Variants in ASIC2 observed in about 807,000 individuals in gnomAD.
The protein encoded by ASIC2 is acid sensing ion channel subunit 2.
ASIC2 carries 25 observed loss-of-function variants against 57.3 expected under a neutral mutation model. The ratio of observed to expected loss-of-function variants is 0.44; its 90% CI spans 0.32 to 0.61. ASIC2 has a LOEUF of 0.61. ASIC2 is among the 20% of genes least tolerant of loss of function. The pLI is 0.06. For synonymous variants in ASIC2, 319 were observed against 307.5 expected (o/e 1.04, Z -0.39); for missense variants, 641 against 738.1 (o/e 0.87, Z 1.52).
chr17:33,624,116 C>A (rs1597811058), intron 1 of ASIC2: 1 of 152,210 alleles, frequency 6.6e-6, no homozygotes. Flanking sequence ...TGGAAAGTCA[C>A]CATGACATTT....
chr17:33,673,699 G>T (rs1254083147), intron 1 of ASIC2, among the ~76,000 whole-genome samples: 2 of 152,084 alleles, frequency 1.3e-5, no homozygotes, highest in Non-Finnish European at 2.9e-5. Flanking sequence ...AACTCTCTCG[G>T]GGAGAAACAT....
intron 1 of ASIC2, among the ~76,000 whole-genome samples, chr17:33,301,801 C>G (rs1042858540): frequency 4.6e-5 from 7 of 152,184 alleles, no homozygotes; most frequent in Non-Finnish European, 8.8e-5. Flanking sequence ...AGAGCCATTG[C>G]CATGCACTTT....
At chr17:33,420,313 G>A (rs1402424462) in intron 1 of ASIC2, among the ~76,000 whole-genome samples, 1 of 152,212 alleles carries the variant, frequency 6.6e-6, no homozygotes, top group Non-Finnish European at 1.5e-5. Flanking sequence ...ATGTGTGCAT[G>A]CAGTTATTCT....
At chr17:33,943,248 C>T (rs936553824) in intron 1 of ASIC2, among the ~76,000 whole-genome samples, 2 of 152,174 alleles carry the variant, frequency 1.3e-5, no homozygotes, top group Non-Finnish European at 2.9e-5. Context: ...AGAGGAGAAG[C>T]GCAGGGAAGA....
intron 1 of ASIC2, among the ~76,000 whole-genome samples, chr17:33,130,747 C>G (rs529412913): frequency 6.6e-6 from 1 of 152,330 alleles, no homozygotes; most frequent in Non-Finnish European, 1.5e-5. Context: ...GAGCCATGAA[C>G]TGGAGCCCGA....
At chr17:33,517,436 C>T (rs891522236) in intron 1 of ASIC2, among the ~76,000 whole-genome samples, 1 of 152,188 alleles carries the variant, frequency 6.6e-6, no homozygotes, top group Non-Finnish European at 1.5e-5. Flanking sequence ...TATTAAATTA[C>T]CCTACACCTT....
intron 1 of ASIC2, among the ~76,000 whole-genome samples, chr17:33,564,131 G>A (rs1326940037): frequency 2.6e-5 from 4 of 152,148 alleles, no homozygotes; most frequent in Non-Finnish European, 4.4e-5. Flanking sequence ...GGTCTTGCAT[G>A]GCTGAGATGA....
At position 33,276,377 on chromosome 17, in the gene ASIC2, C is replaced by T. The variant is rs62067932; in HGVS notation, c.708+15031G>A. ...GCAATTCTAACTAAAGGCCTTGTAG[C>T]GACAAAAGTGAAAGCTTCTAGCTGC... is the stretch of plus-strand genomic sequence containing the variant. On this transcript the variant is annotated intron_variant, in intron 1 of 9. Coordinates refer to ENST00000225823, the MANE Select transcript of ASIC2 (RefSeq NM_183377.2). 3.8e-3 allele frequency among the ~76,000 whole-genome samples: 576 copies of T among 152,276 alleles called. 3 individuals carry two copies. Among genetic ancestry groups the T allele is most frequent in the Non-Finnish European group, 6.3e-3 (430 of 68,010 alleles).
At chr17:33,786,781 C>G (rs186532462) in intron 1 of ASIC2, among the ~76,000 whole-genome samples, 1 of 152,246 alleles carries the variant, frequency 6.6e-6, no homozygotes, top group African/African-American at 2.4e-5. Flanking sequence ...GATGGCTTAT[C>G]TCTCTTGGGT....
intron 1 of ASIC2, among the ~76,000 whole-genome samples, chr17:33,901,594 GA>G (rs1373474093): frequency 6.6e-6 from 1 of 152,206 alleles, no homozygotes; most frequent in Non-Finnish European, 1.5e-5. Context: ...TTTCAGCTGG[GA>G]AAGCAGGTTT....
At chr17:33,613,897 TGTTC>T (rs1905507197) in intron 1 of ASIC2, among the ~76,000 whole-genome samples, 1 of 152,160 alleles carries the variant, frequency 6.6e-6, no homozygotes, top group Non-Finnish European at 1.5e-5. Flanking sequence ...CAATATTGTT[TGTTC>T]GTTTATTTTT....
intron 1 of ASIC2, among the ~76,000 whole-genome samples, chr17:33,709,528 C>T (rs2142074954): frequency 6.6e-6 from 1 of 152,326 alleles, no homozygotes; most frequent in South Asian, 2.1e-4. Context: ...ACAGGGCCCT[C>T]ACTCATGTGG....
At position 33,013,702 on chromosome 17, in the gene ASIC2, A is replaced by G; in HGVS notation, c.*263T>C. 2.0e-6 allele frequency: 1 copy of G among 502,828 alleles called. No individual in the cohort carries two copies. Among genetic ancestry groups the G allele is most frequent in the South Asian group, 2.7e-5 (1 of 36,816 alleles). The allele number at this position is 502,828 out of a possible 1,614,324, so 31.1% of individuals were successfully genotyped here. A position where few individuals can be genotyped will look rare whatever the true frequency, so the allele number is the denominator to read the frequency against. ...CATGCAGGTGCTTTATACATCTGGCAGTGAGATGTGATGGCAGGTTCGTTC... is the reference window on the plus strand; with the variant it reads ...CATGCAGGTGCTTTATACATCTGGCGGTGAGATGTGATGGCAGGTTCGTTC... On this transcript the variant is annotated 3_prime_UTR_variant, in exon 10 of 10. Transcript: ENST00000225823.
chr17:33,834,873 G>A (rs896704641), intron 1 of ASIC2, among the ~76,000 whole-genome samples: 26 of 152,078 alleles, frequency 1.7e-4, no homozygotes, highest in Admixed American at 1.6e-3. Context: ...CACCATGTTG[G>A]CCAGGCAATG....
intron 1 of ASIC2, among the ~76,000 whole-genome samples, chr17:33,166,423 A>T (rs968538212): frequency 6.6e-6 from 1 of 152,238 alleles, no homozygotes; most frequent in African/African-American, 2.4e-5. Flanking sequence ...TCCAAAGGAC[A>T]GTTGGGACCA....
intron 1 of ASIC2, among the ~76,000 whole-genome samples, chr17:33,597,752 A>G (rs1905024290): frequency 6.6e-6 from 1 of 152,174 alleles, no homozygotes. Context: ...AGCTCCAGAC[A>G]GAAATGATGA....
rs1913735635 is a variant in ASIC2 at position 33,490,934 on chromosome 17, C to T, written c.556-378867G>A. Among the ~76,000 whole-genome samples, 3 of 152,102 alleles carry T rather than the reference C, an allele frequency of 2.0e-5. No individual in the cohort carries two copies. In the South Asian group the frequency reaches 6.2e-4, roughly 32 times the overall value. On this transcript the variant is annotated intron_variant, in intron 1 of 9. Coordinates refer to the ASIC2 transcript ENST00000359872. ...ATGAATTGACCTTCCTGAGCCTTGGCCAACTGATACCTCCACCTGAATTCA... is the reference window on the plus strand; with the variant it reads ...ATGAATTGACCTTCCTGAGCCTTGGTCAACTGATACCTCCACCTGAATTCA...
At chr17:34,124,509 T>C (rs1182076272) in intron 1 of ASIC2, among the ~76,000 whole-genome samples, 2 of 152,202 alleles carry the variant, frequency 1.3e-5, no homozygotes, top group African/African-American at 4.8e-5. Flanking sequence ...CTTAATCTGA[T>C]GGGTTTGCCT....
At chr17:33,148,468 G>T (rs566373426) in intron 1 of ASIC2, among the ~76,000 whole-genome samples, 1 of 152,306 alleles carries the variant, frequency 6.6e-6, no homozygotes, top group African/African-American at 2.4e-5. Context: ...GCACACTTGG[G>T]TATCAATGCA....
Sources: allele counts gnomAD v4.1 joint callset (sites outside exome capture counted in the v4.1 genomes callset), GRCh38; gene constraint gnomAD v4.1.1; transcripts MANE v1.5; gene names NCBI Gene and HGNC (gene_info 2026-07-23, HGNC 2026-07-21).